Variants in TSHZ2 observed in about 807,000 individuals in gnomAD.
TSHZ2 encodes teashirt homolog 2.
TSHZ2 carries 21 observed loss-of-function variants against 74.4 expected under a neutral mutation model. That is an observed-to-expected ratio of 0.28 (90% CI 0.20 to 0.41). The LOEUF (loss-of-function observed/expected upper bound fraction) is 0.41. Among genes scored for constraint, TSHZ2 ranks in the 10% least tolerant of loss-of-function variants. The pLI is 1.00. For missense variants in TSHZ2, 1,244 were observed against 1,293.5 expected (o/e 0.96, Z 0.59); for synonymous variants, 540 against 515.3 (o/e 1.05, Z -0.65).
At chr20:52,991,553 T>C (rs936814935) in intron 1 of TSHZ2, among the ~76,000 whole-genome samples, 124 of 143,220 alleles carry the variant, frequency 8.7e-4, no homozygotes, top group African/African-American at 2.9e-3. Flanking sequence ...TTGTGGGTAT[T>C]AGTGTGTGTT....
chr20:53,042,985 T>G (rs949126347), intron 1 of TSHZ2, among the ~76,000 whole-genome samples: 2 of 152,140 alleles, frequency 1.3e-5, no homozygotes, highest in Non-Finnish European at 2.9e-5. Flanking sequence ...TCCAGTGGAG[T>G]GCAGTGTCAC....
intron 1 of TSHZ2, among the ~76,000 whole-genome samples, chr20:53,193,030 C>T (rs747165580): frequency 2.6e-5 from 4 of 152,128 alleles, no homozygotes; most frequent in Non-Finnish European, 4.4e-5. Flanking sequence ...ACATGCGGAA[C>T]GCTCTTATCC....
At chr20:53,083,914 T>C (rs1460133563) in intron 1 of TSHZ2, among the ~76,000 whole-genome samples, 3 of 152,210 alleles carry the variant, frequency 2.0e-5, no homozygotes, top group Non-Finnish European at 1.5e-5. Context: ...TTTTTACTTC[T>C]GTCTTTTAAC....
At chr20:53,388,211 A>G (rs535645277) in intron 2 of TSHZ2, among the ~76,000 whole-genome samples, 1 of 152,342 alleles carries the variant, frequency 6.6e-6, no homozygotes, top group Non-Finnish European at 1.5e-5. Flanking sequence ...AGATCCCATA[A>G]GAGACAGCAT....
At chr20:53,070,373 C>T (rs1004798930) in intron 1 of TSHZ2, among the ~76,000 whole-genome samples, 6 of 152,128 alleles carry the variant, frequency 3.9e-5, no homozygotes, top group African/African-American at 1.4e-4. Context: ...TAATTAGCTG[C>T]CAATTTTGTG....
intron 1 of TSHZ2, among the ~76,000 whole-genome samples, chr20:52,982,671 TAACA>T (rs1200395898): frequency 2.0e-5 from 3 of 152,168 alleles, no homozygotes; most frequent in African/African-American, 7.2e-5. Context: ...CCTAAAAAGC[TAACA>T]AACAAATAAA....
At chr20:53,185,400 C>T (rs1025955467) in intron 1 of TSHZ2, 46 of 1,252,688 alleles carry the variant, frequency 3.7e-5, no homozygotes, top group African/African-American at 1.5e-4. Context: ...GGTGGCCAGG[C>T]GAGGTGGTTC....
intron 1 of TSHZ2, among the ~76,000 whole-genome samples, chr20:53,188,781 C>T (rs768862534): frequency 3.9e-5 from 6 of 152,056 alleles, no homozygotes; most frequent in African/African-American, 7.3e-5. Flanking sequence ...GTTATAAGAA[C>T]GTAAATTGCC....
chr20:53,420,522 C>A (rs568322059), intron 2 of TSHZ2, among the ~76,000 whole-genome samples: 1 of 152,112 alleles, frequency 6.6e-6, no homozygotes, highest in Non-Finnish European at 1.5e-5. Context: ...GCCAGGAGAT[C>A]GAGACCATCC....
intron 2 of TSHZ2, among the ~76,000 whole-genome samples, chr20:53,313,361 G>A (rs80289458): frequency 0.013 from 2,053 of 152,336 alleles, 43 homozygotes; most frequent in African/African-American, 0.047. Flanking sequence ...AATAGAATAT[G>A]AGAAACATAA....
At chr20:53,444,064 C>T (rs1008603399) in intron 2 of TSHZ2, among the ~76,000 whole-genome samples, 3 of 152,112 alleles carry the variant, frequency 2.0e-5, no homozygotes, top group African/African-American at 7.2e-5. Flanking sequence ...GGGACTGAGG[C>T]ATTTCCCAGG....
chr20:53,406,778 C>A (rs757005240), intron 2 of TSHZ2, among the ~76,000 whole-genome samples: 2 of 152,036 alleles, frequency 1.3e-5, no homozygotes, highest in Non-Finnish European at 2.9e-5. Context: ...TAAAACATGG[C>A]GTGGGGATTG....
At chr20:53,374,569 T>C (rs1981592099) in intron 2 of TSHZ2, among the ~76,000 whole-genome samples, 1 of 152,246 alleles carries the variant, frequency 6.6e-6, no homozygotes, top group East Asian at 1.9e-4. Flanking sequence ...ATCTCCAAAC[T>C]GCTTTCCACA....
intron 2 of TSHZ2, among the ~76,000 whole-genome samples, chr20:53,428,525 T>A (rs1185829040): frequency 6.6e-6 from 1 of 152,226 alleles, no homozygotes; most frequent in Non-Finnish European, 1.5e-5. Flanking sequence ...GTCTTGAGAC[T>A]CTGAATCAAT....
At chr20:53,438,273 C>T (rs748138584) in intron 2 of TSHZ2, among the ~76,000 whole-genome samples, 25 of 151,906 alleles carry the variant, frequency 1.6e-4, no homozygotes, top group Non-Finnish European at 3.1e-4. Flanking sequence ...CGACACCCCG[C>T]TAATTTTTTG....
At chr20:53,180,233 A>T (rs1205985937) in intron 1 of TSHZ2, among the ~76,000 whole-genome samples, 1 of 152,216 alleles carries the variant, frequency 6.6e-6, no homozygotes, top group Non-Finnish European at 1.5e-5. Context: ...TAAGCACAGC[A>T]GCAGAAAGAG....
intron 2 of TSHZ2, among the ~76,000 whole-genome samples, chr20:53,303,051 A>C (rs1183580050): frequency 6.6e-6 from 1 of 152,208 alleles, no homozygotes; most frequent in African/African-American, 2.4e-5. Context: ...TGTACCTTAT[A>C]AATTAATAAT....
chr20:53,274,596 G>T (rs1454478903), intron 2 of TSHZ2, among the ~76,000 whole-genome samples: 1 of 152,238 alleles, frequency 6.6e-6, no homozygotes, highest in Non-Finnish European at 1.5e-5. Context: ...TCAGGGGAAA[G>T]CTGAGGTAGA....
intron 1 of TSHZ2, among the ~76,000 whole-genome samples, chr20:53,141,520 T>G (rs1479519504): frequency 6.6e-6 from 1 of 152,220 alleles, no homozygotes; most frequent in Non-Finnish European, 1.5e-5. Context: ...TTAAAATTAC[T>G]TCATAAATCT....
Sources: gnomAD v4.1 joint callset for allele counts (sites outside exome capture counted in the v4.1 genomes callset) on GRCh38, gnomAD v4.1.1 for gene constraint, MANE v1.5 for transcripts, NCBI Gene and HGNC (gene_info 2026-07-23, HGNC 2026-07-21) for gene names.